Variants in CCDC148 observed in about 807,000 individuals in gnomAD.
CCDC148 encodes coiled-coil domain-containing protein 148.
CCDC148 carries 89 observed loss-of-function variants against 85.7 expected under a neutral mutation model. The ratio of observed to expected loss-of-function variants is 1.04; its 90% CI spans 0.87 to 1.24. The LOEUF (loss-of-function observed/expected upper bound fraction) is 1.24, where lower values mean the gene tolerates loss of function less well. Among genes scored for constraint, CCDC148 ranks in the 50% most tolerant of loss-of-function variants. CCDC148 has a pLI of 0.00. For synonymous variants in CCDC148, 230 were observed against 213.9 expected (o/e 1.08, Z -0.66); for missense variants, 692 against 671.7 (o/e 1.03, Z -0.33).
At chr2:158,313,694 T>C in intron 8 of CCDC148, 62 bp downstream of exon 8, 2 of 1,486,850 alleles carry the variant, frequency 1.3e-6, no homozygotes, top group Non-Finnish European at 1.8e-6. Flanking sequence ...GTACATTGCT[T>C]AATAATTATT....
At chr2:158,377,282 G>C in intron 1 of CCDC148, among the ~76,000 whole-genome samples, 1 of 151,716 alleles carries the variant, frequency 6.6e-6, no homozygotes, top group African/African-American at 2.4e-5. Context: ...CGATGGTGTG[G>C]GGGGGGTGGG....
intron 7 of CCDC148, among the ~76,000 whole-genome samples, chr2:158,328,055 T>G (rs1692876077): frequency 6.6e-6 from 1 of 152,092 alleles, no homozygotes; most frequent in Admixed American, 6.6e-5. Flanking sequence ...AGGGTACATG[T>G]GCACAATGTG....
intron 1 of CCDC148, among the ~76,000 whole-genome samples, chr2:158,377,169 A>G (rs1358245402): frequency 2.0e-5 from 3 of 151,766 alleles, no homozygotes; most frequent in Non-Finnish European, 2.9e-5. Context: ...AAAAACCTCA[A>G]TGTCTATGAA....
At chr2:158,301,206 G>T (rs941342618) in intron 9 of CCDC148, among the ~76,000 whole-genome samples, 1 of 152,194 alleles carries the variant, frequency 6.6e-6, no homozygotes, top group Non-Finnish European at 1.5e-5. Flanking sequence ...TAGAGAAAGG[G>T]TTTCTCAAGG....
At chr2:158,231,236 G>A (rs1037082027) in intron 10 of CCDC148, among the ~76,000 whole-genome samples, 1 of 152,132 alleles carries the variant, frequency 6.6e-6, no homozygotes, top group African/African-American at 2.4e-5. Flanking sequence ...ATGCTTATTT[G>A]CTTTTCTGCA....
intron 7 of CCDC148, among the ~76,000 whole-genome samples, chr2:158,318,367 G>C (rs968084846): frequency 5.3e-5 from 8 of 151,954 alleles, no homozygotes; most frequent in Non-Finnish European, 1.2e-4. Context: ...CACTAGCAAG[G>C]TCAAAATCCA....
At chr2:158,276,182 G>A (rs904427724) in intron 9 of CCDC148, among the ~76,000 whole-genome samples, 3 of 152,126 alleles carry the variant, frequency 2.0e-5, no homozygotes, top group African/African-American at 7.2e-5. Context: ...TGTAATCCCA[G>A]CACTTTGGGA....
chr2:158,293,583 T>A (rs1235130961), intron 9 of CCDC148, among the ~76,000 whole-genome samples: 1 of 152,192 alleles, frequency 6.6e-6, no homozygotes, highest in Non-Finnish European at 1.5e-5. Context: ...CCCTAAAATT[T>A]TCCCTGAAAC....
chr2:158,399,530 T>C (rs987624090), intron 1 of CCDC148, among the ~76,000 whole-genome samples: 2 of 152,082 alleles, frequency 1.3e-5, no homozygotes, highest in African/African-American at 4.8e-5. Flanking sequence ...AAAAAACACA[T>C]GATTATCTCA....
chr2:158,347,419 T>A (rs1297468200), intron 2 of CCDC148, among the ~76,000 whole-genome samples: 1 of 152,058 alleles, frequency 6.6e-6, no homozygotes, highest in Non-Finnish European at 1.5e-5. Flanking sequence ...AATTCACTCA[T>A]TGATTCCACT....
At chr2:158,422,514 C>T (rs1017050731) in intron 1 of CCDC148, among the ~76,000 whole-genome samples, 1 of 152,072 alleles carries the variant, frequency 6.6e-6, no homozygotes, top group Non-Finnish European at 1.5e-5. Context: ...GCAGAAAAGG[C>T]CTTTGACGAA....
intron 3 of CCDC148, among the ~76,000 whole-genome samples, chr2:158,342,026 C>CTTTTTTTTTTT (rs1159799812): frequency 1.6e-5 from 1 of 62,660 alleles, no homozygotes; most frequent in Non-Finnish European, 2.7e-5. Flanking sequence ...ATTTTCTTTT[C>CTTTTTTTTTTT]TTTTTTTTTT....
chr2:158,268,846 C>G (rs1689582059), intron 9 of CCDC148, among the ~76,000 whole-genome samples: 1 of 152,066 alleles, frequency 6.6e-6, no homozygotes, highest in African/African-American at 2.4e-5. Flanking sequence ...TTTATTTTCT[C>G]TAACTTATTT....
chr2:158,402,577 T>A (rs970024267), intron 1 of CCDC148, among the ~76,000 whole-genome samples: 4 of 152,044 alleles, frequency 2.6e-5, no homozygotes, highest in African/African-American at 9.7e-5. Context: ...TAGCCTTCAG[T>A]TGGGGATTAT....
intron 10 of CCDC148, among the ~76,000 whole-genome samples, chr2:158,223,535 C>T (rs1687315009): frequency 6.6e-6 from 1 of 152,200 alleles, no homozygotes; most frequent in South Asian, 2.1e-4. Flanking sequence ...AAGTGGGTCC[C>T]TGACCCCCCT....
chr2:158,327,945 C>G (rs1692868555), intron 7 of CCDC148, among the ~76,000 whole-genome samples: 1 of 149,038 alleles, frequency 6.7e-6, no homozygotes, highest in South Asian at 2.1e-4. Context: ...TCTAGATGGC[C>G]ACTGTTTATA....
intron 11 of CCDC148, among the ~76,000 whole-genome samples, chr2:158,199,931 G>T (rs975814033): frequency 3.3e-5 from 5 of 152,188 alleles, no homozygotes; most frequent in Non-Finnish European, 7.3e-5. Context: ...TTAATCAAAT[G>T]TTCAGGTGAA....
intron 11 of CCDC148, among the ~76,000 whole-genome samples, chr2:158,195,502 G>A (rs559210076): frequency 1.6e-4 from 24 of 151,976 alleles, no homozygotes; most frequent in Non-Finnish European, 1.8e-4. Context: ...AAAAATTTAC[G>A]ATAATACTTC....
chr2:158,202,586 C>G (rs1686024172), intron 11 of CCDC148, among the ~76,000 whole-genome samples: 1 of 152,186 alleles, frequency 6.6e-6, no homozygotes, highest in Admixed American at 6.5e-5. Context: ...TATTTCAGGC[C>G]TGCAGGCCAT....
Sources: allele counts gnomAD v4.1 joint callset (sites outside exome capture counted in the v4.1 genomes callset), GRCh38; gene constraint gnomAD v4.1.1; transcripts MANE v1.5; gene names NCBI Gene and HGNC (gene_info 2026-07-23, HGNC 2026-07-21).